The following SEMA5A variants were observed in gnomAD, a reference collection of about 807,000 sequenced individuals.
The protein encoded by SEMA5A is semaphorin-5A.
A neutral mutation model predicts 135.5 loss-of-function variants in SEMA5A; 55 were observed. The observed-to-expected ratio is 0.41, with a 90% CI of 0.33 to 0.51. SEMA5A has a LOEUF of 0.51. Among genes scored for constraint, SEMA5A ranks in the 20% least tolerant of loss-of-function variants. SEMA5A has a pLI of 0.37. For synonymous variants in SEMA5A, 580 were observed against 546.5 expected (o/e 1.06, Z -0.85); for missense variants, 1,290 against 1,419.9 (o/e 0.91, Z 1.47).
intron 13 of SEMA5A, among the ~76,000 whole-genome samples, chr5:9,132,074 TTCA>T (rs1415290047): frequency 1.3e-5 from 2 of 152,350 alleles, no homozygotes; most frequent in African/African-American, 4.8e-5. Flanking sequence ...GAGTAATGTT[TTCA>T]ATTACAATTT....
chr5:9,255,828 T>C (rs1749040023), intron 5 of SEMA5A, among the ~76,000 whole-genome samples: 1 of 152,186 alleles, frequency 6.6e-6, no homozygotes, highest in Non-Finnish European at 1.5e-5. Context: ...CTGGGTATAT[T>C]CCTTGGCATA....
intron 8 of SEMA5A, among the ~76,000 whole-genome samples, chr5:9,216,397 A>G (rs546689822): frequency 6.6e-5 from 10 of 152,224 alleles, no homozygotes; most frequent in African/African-American, 2.4e-4. Flanking sequence ...GGATTGTTTT[A>G]TGTCTAATTA....
chr5:9,072,168 C>G (rs2150084014), intron 16 of SEMA5A, among the ~76,000 whole-genome samples: 1 of 152,264 alleles, frequency 6.6e-6, no homozygotes, highest in Admixed American at 6.5e-5. Flanking sequence ...TCTTAAAGTA[C>G]TGGACTTCAG....
At chr5:9,061,186 C>T (rs1213007554) in intron 18 of SEMA5A, among the ~76,000 whole-genome samples, 2 of 152,028 alleles carry the variant, frequency 1.3e-5, no homozygotes, top group Non-Finnish European at 2.9e-5. Context: ...TGCACTCTCC[C>T]TAAACTCTTA....
chr5:9,310,895 CAT>C (rs947529761), intron 5 of SEMA5A, among the ~76,000 whole-genome samples: 2 of 150,472 alleles, frequency 1.3e-5, no homozygotes, highest in African/African-American at 4.9e-5. Flanking sequence ...CATGAACACA[CAT>C]ATGAATCTTT....
At chr5:9,283,584 C>T (rs1210861935) in intron 5 of SEMA5A, among the ~76,000 whole-genome samples, 1 of 152,122 alleles carries the variant, frequency 6.6e-6, no homozygotes, top group Non-Finnish European at 1.5e-5. Flanking sequence ...TTACTCTTAC[C>T]ATATAAGGTA....
intron 5 of SEMA5A, among the ~76,000 whole-genome samples, chr5:9,272,763 A>C (rs1041089122): frequency 2.0e-5 from 3 of 152,158 alleles, no homozygotes; most frequent in African/African-American, 7.2e-5. Context: ...ACGCCTGCAG[A>C]AGAGGGGCCT....
intron 3 of SEMA5A, among the ~76,000 whole-genome samples, chr5:9,356,663 C>T (rs1329581004): frequency 6.6e-6 from 1 of 152,118 alleles, no homozygotes; most frequent in East Asian, 1.9e-4. Flanking sequence ...AGCCAGCATG[C>T]TTTTGTGTTA....
chr5:9,043,212 G>T (rs1736057606), intron 22 of SEMA5A, 196 bp from the exon 23 acceptor site: 2 of 498,892 alleles, frequency 4.0e-6, no homozygotes, highest in Admixed American at 3.6e-5. Context: ...AATAAGGTTG[G>T]CAGTTTGTGA....
At chr5:9,205,629 C>T (rs189654224) in intron 8 of SEMA5A, among the ~76,000 whole-genome samples, 8 of 152,284 alleles carry the variant, frequency 5.3e-5, no homozygotes, top group Admixed American at 1.3e-4. Flanking sequence ...AAGATCACAA[C>T]GTCCATTTTA....
chr5:9,192,474 G>T lies in SEMA5A; in HGVS notation c.1069-2003C>A, dbSNP rs1325839491. On this transcript the variant is annotated intron_variant, in intron 10 of 22. Transcript: ENST00000382496. ...GGTAAATGCATTGGTCTTGGAGCAG[G>T]ACAGCAATTCTATGGTCTGTTGAGC... is the stretch of plus-strand genomic sequence containing the variant. Among the ~76,000 whole-genome samples the T allele has an allele frequency of 3.3e-5, 5 of 152,194 alleles. No homozygotes were observed. The East Asian group carries it at 9.6e-4, about 29-fold the overall frequency.
rs563887227 is a variant in SEMA5A at position 9,280,948 on chromosome 5, A to T, written c.270+37424T>A. On this transcript the variant is annotated intron_variant, in intron 5 of 22. Transcript: ENST00000382496. ...TTTAACCCAATTCTTCATTAATAAT[A>T]TTAGCATGAATTAAGAACTTCTAGG... 8 of 198,316 alleles carry T rather than the reference A, an allele frequency of 4.0e-5. No homozygotes were observed. The East Asian group carries it at 5.3e-4, about 13-fold the overall frequency. 12.3% of individuals were successfully genotyped at this position (198,316 alleles called of 1,614,324 possible).
Position 9,545,191 on chromosome 5 carries a change from T to C in SEMA5A, c.-175+393A>G, listed in dbSNP as rs1738316859. The stretch of plus-strand genomic sequence containing the variant: ...GCCAAGTCCCGACCTCCGTGTCCCC[T>C]GCCCCCGGCTCGCGGCAGTGCGAGC... On this transcript the variant is annotated intron_variant, in intron 1 of 22. Transcript: ENST00000382496. This position sits in a 1 kb window ranked among gnomAD's most constrained non-coding sequence, Gnocchi z 4.5. Among the ~76,000 whole-genome samples the C allele has an allele frequency of 1.3e-5, 2 of 152,048 alleles. No homozygotes were observed. The highest frequency in any genetic ancestry group is 4.8e-5 in the African/African-American group (2 of 41,414).
chr5:9,542,733 TC>T (rs1738161541), intron 1 of SEMA5A, among the ~76,000 whole-genome samples: 1 of 152,186 alleles, frequency 6.6e-6, no homozygotes, highest in Non-Finnish European at 1.5e-5. Context: ...GCTGCTGTAC[TC>T]AAATAGTTGT....
At chr5:9,292,202 G>A (rs560440499) in intron 5 of SEMA5A, among the ~76,000 whole-genome samples, 7 of 152,190 alleles carry the variant, frequency 4.6e-5, no homozygotes, top group Admixed American at 1.3e-4. Context: ...GACATCCCAC[G>A]TTTGTAAATC....
At chr5:9,259,241 G>C (rs1749267807) in intron 5 of SEMA5A, among the ~76,000 whole-genome samples, 1 of 152,162 alleles carries the variant, frequency 6.6e-6, no homozygotes, top group Admixed American at 6.6e-5. Flanking sequence ...GGCAAAATTT[G>C]CTTTTAATAT....
intron 1 of SEMA5A, among the ~76,000 whole-genome samples, chr5:9,480,474 G>A (rs1338878809): frequency 6.6e-6 from 1 of 152,106 alleles, no homozygotes; most frequent in Non-Finnish European, 1.5e-5. Flanking sequence ...ATTCAATAAA[G>A]GAAAGGCTGC....
chr5:9,455,599 G>A (rs1184195855), intron 1 of SEMA5A, among the ~76,000 whole-genome samples: 2 of 152,196 alleles, frequency 1.3e-5, no homozygotes, highest in Non-Finnish European at 2.9e-5. Flanking sequence ...GGACTAGGAA[G>A]CAGTATGTCA....
chr5:9,230,762 G>C (rs1747585644), intron 6 of SEMA5A, among the ~76,000 whole-genome samples: 1 of 151,616 alleles, frequency 6.6e-6, no homozygotes, highest in Non-Finnish European at 1.5e-5. Context: ...ATGAAGGAGG[G>C]TAGTAGTGTA....
Sources: allele counts gnomAD v4.1 joint callset (sites outside exome capture counted in the v4.1 genomes callset), GRCh38; gene constraint gnomAD v4.1.1; non-coding constraint Gnocchi (gnomAD v3.1); transcripts MANE v1.5; gene names NCBI Gene and HGNC (gene_info 2026-07-23, HGNC 2026-07-21).